Variants in ABI2 observed in about 807,000 individuals in gnomAD.
ABI2 encodes the protein abl interactor 2, also known as abelson interactor 2.
A neutral mutation model predicts 59.2 loss-of-function variants in ABI2; 25 were observed. The observed-to-expected ratio is 0.42, with a 90% CI of 0.31 to 0.59. The LOEUF is 0.59. ABI2 is among the 20% of genes least tolerant of loss of function. ABI2 has a pLI of 0.14. For synonymous variants in ABI2, 213 were observed against 235.5 expected (o/e 0.90, Z 0.87); for missense variants, 545 against 681.8 (o/e 0.80, Z 2.23).
chr2:203,328,476 T>C lies in ABI2; in HGVS notation c.-39T>C. On this transcript the variant is annotated 5_prime_UTR_variant, in exon 1 of 12. Coordinates refer to ENST00000261018, the MANE Select transcript of ABI2 (RefSeq NM_001375670.1). ...TTGGCGCTGCGGCCGCCGCTCCCTC[T>C]GCGACCTGTATGAGGAGGAGGAGGA... 2 of 1,525,100 alleles carry C rather than the reference T, an allele frequency of 1.3e-6. No homozygotes were observed. Among genetic ancestry groups the C allele is most frequent in the Non-Finnish European group, 1.8e-6 (2 of 1,120,782 alleles). The allele number at this position is 1,525,100 out of a possible 1,614,324, so 94.5% of individuals were successfully genotyped here.
chr2:203,350,877 T>TGTGTGTGTGTGTGTGTGC (rs2087702691), intron 1 of ABI2, among the ~76,000 whole-genome samples: 1 of 109,528 alleles, frequency 9.1e-6, no homozygotes, highest in African/African-American at 2.8e-5. Flanking sequence ...TGTGTGTGTG[T>TGTGTGTGTGTGTGTGTGC]GTGTGTGTGT....
At chr2:203,425,245 CAA>C (rs1302570248) in intron 11 of ABI2, among the ~76,000 whole-genome samples, 3 of 151,746 alleles carry the variant, frequency 2.0e-5, no homozygotes, top group South Asian at 2.1e-4. Flanking sequence ...TTTTTTGAGA[CAA>C]GAGTCTCACT....
intron 9 of ABI2, among the ~76,000 whole-genome samples, chr2:203,404,043 G>A (rs967596661): frequency 3.9e-5 from 6 of 151,936 alleles, no homozygotes; most frequent in Non-Finnish European, 7.4e-5. Context: ...GTGAGTCACC[G>A]TGCCTGGCCT....
chr2:203,386,293 C>CT (rs959446066), intron 4 of ABI2, among the ~76,000 whole-genome samples: 39 of 151,740 alleles, frequency 2.6e-4, no homozygotes, highest in Admixed American at 1.4e-3. Flanking sequence ...ATTCTCTTTT[C>CT]TTTTTTTTAA....
At chr2:203,378,340 G>A (rs572681957) in intron 2 of ABI2, among the ~76,000 whole-genome samples, 16 of 151,932 alleles carry the variant, frequency 1.1e-4, no homozygotes, top group African/African-American at 2.4e-4. Flanking sequence ...CTCGATCTCC[G>A]GACTTTGTGA....
rs2098473069 is a variant in ABI2, at chr2:203,430,346, A to T, written c.*2994A>T. On this transcript the variant is annotated 3_prime_UTR_variant, in exon 12 of 12. Coordinates refer to ENST00000261018, the MANE Select transcript of ABI2 (RefSeq NM_001375670.1). Reference sequence around the variant, plus strand: ...TAAAGCAACCATTTTATCAAGATAGAGGGATTCTAATGGGAGAGGGGATTC... The same window carrying T: ...TAAAGCAACCATTTTATCAAGATAGTGGGATTCTAATGGGAGAGGGGATTC... The T allele has an allele frequency of 6.6e-6, 1 of 152,144 alleles. No homozygotes were observed. 9.4% of individuals were successfully genotyped at this position (152,144 alleles called of 1,614,324 possible). A position where few individuals can be genotyped will look rare whatever the true frequency, so the allele number is the denominator to read the frequency against.
intron 4 of ABI2, 142 bp downstream of exon 4, chr2:203,382,348 CT>C: frequency 4.0e-6 from 3 of 745,188 alleles, no homozygotes; most frequent in Non-Finnish European, 6.3e-6. Context: ...TGTCATGCAA[CT>C]TTGTGGTGTG....
At chr2:203,415,748 G>T (rs2097864992) in intron 10 of ABI2, among the ~76,000 whole-genome samples, 1 of 151,820 alleles carries the variant, frequency 6.6e-6, no homozygotes, top group South Asian at 2.1e-4. Context: ...ATAAGAATTA[G>T]TGCTGTTCAT....
intron 1 of ABI2, among the ~76,000 whole-genome samples, chr2:203,341,915 A>G (rs980425328): frequency 3.9e-5 from 6 of 152,176 alleles, no homozygotes; most frequent in African/African-American, 1.2e-4. Context: ...GACTTACTCA[A>G]TAGTGGAAGC....
intron 5 of ABI2, among the ~76,000 whole-genome samples, chr2:203,392,613 G>A (rs1044685252): frequency 1.3e-5 from 2 of 152,158 alleles, no homozygotes; most frequent in African/African-American, 2.4e-5. Context: ...GTGTATAATG[G>A]TGCCAGGGGT....
At chr2:203,353,194 A>G (rs1559194365) in intron 1 of ABI2, among the ~76,000 whole-genome samples, 1 of 151,794 alleles carries the variant, frequency 6.6e-6, no homozygotes, top group Non-Finnish European at 1.5e-5. Context: ...GGAATTTGTA[A>G]TTTTTTTTCA....
chr2:203,395,588 G>T (rs2153402586), intron 6 of ABI2, 68 bp from the exon 7 acceptor site: 1 of 1,495,576 alleles, frequency 6.7e-7, no homozygotes, highest in South Asian at 1.3e-5. Context: ...CTCAGAAAAT[G>T]TCGGGAAGTG....
At chr2:203,363,596 T>G (rs761309280) in intron 1 of ABI2, among the ~76,000 whole-genome samples, 1 of 152,108 alleles carries the variant, frequency 6.6e-6, no homozygotes, top group African/African-American at 2.4e-5. Flanking sequence ...TTCAATTGTT[T>G]TAATTTTTAA....
intron 1 of ABI2, among the ~76,000 whole-genome samples, chr2:203,336,221 G>C (rs1014499367): frequency 2.6e-5 from 4 of 152,176 alleles, no homozygotes; most frequent in African/African-American, 9.7e-5. Context: ...TTTCTGGATT[G>C]TTTCTAGTTT....
At chr2:203,425,135 T>TTA (rs2098387955) in intron 11 of ABI2, among the ~76,000 whole-genome samples, 2 of 151,972 alleles carry the variant, frequency 1.3e-5, no homozygotes, top group African/African-American at 4.8e-5. Context: ...TAGATAGAGC[T>TTA]TACTAACTTT....
chr2:203,390,398 G>A (rs990474390), intron 4 of ABI2, among the ~76,000 whole-genome samples: 4 of 152,186 alleles, frequency 2.6e-5, no homozygotes, highest in Admixed American at 6.5e-5. Context: ...TTGGGAGGCC[G>A]AGGCTGGTGG....
intron 1 of ABI2, among the ~76,000 whole-genome samples, chr2:203,350,866 G>A (rs992568744): frequency 3.7e-4 from 34 of 92,662 alleles, no homozygotes; most frequent in Non-Finnish European, 2.4e-4. Flanking sequence ...TGTGTTTTGT[G>A]TGTGTGTGTG....
chr2:203,370,236 GTA>G (rs2095024073), intron 2 of ABI2, among the ~76,000 whole-genome samples: 1 of 147,744 alleles, frequency 6.8e-6, no homozygotes, highest in Non-Finnish European at 1.5e-5. Context: ...CTTTCTGTGT[GTA>G]TGTGTGTGTG....
At chr2:203,407,734 G>A (rs1245517971) in intron 9 of ABI2, among the ~76,000 whole-genome samples, 7 of 152,196 alleles carry the variant, frequency 4.6e-5, no homozygotes, top group Non-Finnish European at 1.0e-4. Flanking sequence ...CTTGTCTTAT[G>A]AGGAATCATT....
Sources: allele counts gnomAD v4.1 joint callset (sites outside exome capture counted in the v4.1 genomes callset), GRCh38; gene constraint gnomAD v4.1.1; transcripts MANE v1.5; gene names NCBI Gene and HGNC (gene_info 2026-07-23, HGNC 2026-07-21).